KIF18A: variants seen among roughly 807,000 people sequenced by gnomAD.
KIF18A encodes kinesin family member 18A, also known as kinesin-like protein KIF18A.
KIF18A carries 67 observed loss-of-function variants against 103.3 expected under a neutral mutation model. The observed-to-expected ratio is 0.65, with a 90% CI of 0.53 to 0.79. The LOEUF (loss-of-function observed/expected upper bound fraction) is 0.79. Ranked by LOEUF, KIF18A falls within the 30% of genes least tolerant of loss-of-function variation. The probability of loss-of-function intolerance (pLI) is 0.00; values close to 1 mark genes in which losing one functional copy is unlikely to be tolerated. For missense variants in KIF18A, 1,032 were observed against 1,062.5 expected, an observed-to-expected ratio of 0.97 and a Z score of 0.40; for synonymous variants, 367 against 355.5, an observed-to-expected ratio of 1.03 and a Z score of -0.36.
intron 11 of KIF18A, 21 bp from the exon 12 acceptor site, chr11:28,062,537 T>C: frequency 6.3e-7 from 1 of 1,595,332 alleles, no homozygotes; most frequent in Non-Finnish European, 8.5e-7. Flanking sequence ...CAATACAAAA[T>C]GTACTTCAGA....
intron 8 of KIF18A, 34 bp downstream of exon 8, chr11:28,083,134 GC>G: frequency 6.4e-7 from 1 of 1,569,726 alleles, no homozygotes; most frequent in African/African-American, 1.4e-5. Context: ...ATGAAGAACT[GC>G]GCAAGACTAG....
At chr11:28,034,500 T>C (rs900348517) in intron 15 of KIF18A, among the ~76,000 whole-genome samples, 42 of 151,708 alleles carry the variant, frequency 2.8e-4, no homozygotes, top group African/African-American at 9.7e-4. Context: ...CTTTTCTTCA[T>C]GGTGGTCCCT....
At position 28,097,821 on chromosome 11, in the gene KIF18A, C is replaced by A. The variant is rs1275963978; in HGVS notation, c.127G>T (p.Val43Phe). ...ACTTCTTCTTGTTTGGGATCAAAAA[C>A]TAGGATATGTTTATCCACAACATGA... ...VVHVVDKHIL[V>F]FDPKQEEVSF... is the part of the protein sequence containing the mutation. Residue 43 changes from valine to phenylalanine, a missense_variant, in exon 2 of 17, where the codon GTT (valine) becomes TTT (phenylalanine). Coordinates refer to ENST00000263181, the MANE Select transcript of KIF18A (RefSeq NM_031217.4). 1 of 1,613,228 alleles carries A rather than the reference C, an allele frequency of 6.2e-7. No individual in the cohort carries two copies. Among genetic ancestry groups the A allele is most frequent in the African/African-American group, 1.3e-5 (1 of 74,872 alleles).
At position 28,090,677 on chromosome 11, in the gene KIF18A, G is replaced by A; in HGVS notation, c.639C>T (p.Asn213=). The part of the protein sequence containing the change: ...ILHLLDNGNK[N]RTQHPTDMNA... ...TCATATCAGTGGGATGTTGTGTCCTGTTTTTGTTTCCATTATCCAATAAAT... is the reference window on the plus strand; with the variant it reads ...TCATATCAGTGGGATGTTGTGTCCTATTTTTGTTTCCATTATCCAATAAAT... Residue 213 remains asparagine, a synonymous_variant, in exon 5 of 17, where the codon AAC becomes AAT. Transcript: ENST00000263181. The A allele has an allele frequency of 6.2e-7, 1 of 1,610,828 alleles. No individual in the cohort carries two copies. The highest frequency in any genetic ancestry group is 8.5e-7 in the Non-Finnish European group (1 of 1,177,834).
At chr11:28,098,894 C>T (rs1004150780) in intron 1 of KIF18A, among the ~76,000 whole-genome samples, 1 of 151,060 alleles carries the variant, frequency 6.6e-6, no homozygotes, top group Non-Finnish European at 1.5e-5. Flanking sequence ...AAAAACCAAA[C>T]CACAAAACAA....
intron 1 of KIF18A, among the ~76,000 whole-genome samples, chr11:28,103,727 G>C (rs957746602): frequency 5.9e-5 from 9 of 151,902 alleles, no homozygotes; most frequent in African/African-American, 1.5e-4. Flanking sequence ...TACTCACTTA[G>C]AGTAGAAGGA....
rs1850230407 is a variant in KIF18A at position 28,020,935 on chromosome 11, CATGGTAACTTACACTCAGGG to C, written c.*245_*264del. ...TGGCATAGTAAAACTAAGCTGCCAC[CATGGTAACTTACACTCAGGG>C]ATTTTAAAAGGCAACAAATATTTAA... On this transcript the variant is annotated 3_prime_UTR_variant, in exon 17 of 17. Coordinates refer to ENST00000263181, the MANE Select transcript of KIF18A (RefSeq NM_031217.4). The C allele has an allele frequency of 1.5e-5, 3 of 193,712 alleles. No homozygotes were observed. Among genetic ancestry groups the C allele is most frequent in the South Asian group, 3.1e-4 (2 of 6,350 alleles). The allele number at this position is 193,712 out of a possible 1,614,324, so 12.0% of individuals were successfully genotyped here.
Position 28,088,696 on chromosome 11 carries a change from G to A in KIF18A, c.725C>T (p.Thr242Ile), listed in dbSNP as rs374974288. Residue 242 changes from threonine (T) to isoleucine (I), a missense_variant, in exon 6 of 17, where the codon ACA becomes ATA. Transcript: ENST00000263181. ...ACGGACATTTTGATTGATACTTGCTGTTTTGTCTTGTTGTCGCAAGTAAAT... is the reference window on the plus strand; with the variant it reads ...ACGGACATTTTGATTGATACTTGCTATTTTGTCTTGTTGTCGCAAGTAAAT... ...FQIYLRQQDKTASINQNVRIA... is the reference protein window; with the variant it reads ...FQIYLRQQDKIASINQNVRIA... 1.2e-5 allele frequency: 20 copies of A among 1,613,602 alleles called. No homozygotes were observed. Among genetic ancestry groups the A allele is most frequent in the Non-Finnish European group, 1.6e-5 (19 of 1,179,782 alleles).
intron 13 of KIF18A, among the ~76,000 whole-genome samples, chr11:28,053,856 T>C (rs970094119): frequency 1.2e-4 from 18 of 151,966 alleles, no homozygotes; most frequent in African/African-American, 4.1e-4. Context: ...TGTGCTTATA[T>C]ACATGTTTGT....
At chr11:28,095,239 C>G (rs1009828779) in intron 2 of KIF18A, among the ~76,000 whole-genome samples, 1 of 152,226 alleles carries the variant, frequency 6.6e-6, no homozygotes, top group Non-Finnish European at 1.5e-5. Context: ...ATTTTGCCAG[C>G]CTACTGCTTC....
At chr11:28,022,160 T>A (rs75509368) in intron 16 of KIF18A, among the ~76,000 whole-genome samples, 1 of 152,262 alleles carries the variant, frequency 6.6e-6, no homozygotes, top group East Asian at 1.9e-4. Context: ...CACTTTTTTT[T>A]CCCCATAGTA....
intron 13 of KIF18A, among the ~76,000 whole-genome samples, chr11:28,045,892 C>G (rs1031408756): frequency 2.0e-5 from 3 of 151,650 alleles, no homozygotes; most frequent in Admixed American, 2.0e-4. Context: ...AGGACATGAA[C>G]AGACACTTCT....
At chr11:28,075,713 T>A (rs1291034690) in intron 10 of KIF18A, among the ~76,000 whole-genome samples, 2 of 152,198 alleles carry the variant, frequency 1.3e-5, no homozygotes, top group Non-Finnish European at 2.9e-5. Context: ...CCATCTGTTT[T>A]GTAATTTTGA....
intron 13 of KIF18A, among the ~76,000 whole-genome samples, chr11:28,042,699 A>T (rs187957673): frequency 6.6e-6 from 1 of 152,058 alleles, no homozygotes; most frequent in Non-Finnish European, 1.5e-5. Flanking sequence ...TACCCATAGT[A>T]CAAGGAGGCA....
At chr11:28,053,892 A>G (rs976935284) in intron 13 of KIF18A, among the ~76,000 whole-genome samples, 2 of 151,058 alleles carry the variant, frequency 1.3e-5, no homozygotes, top group Middle Eastern at 3.2e-3. Flanking sequence ...GGTAGAAATT[A>G]AAAATATTTT....
intron 10 of KIF18A, among the ~76,000 whole-genome samples, chr11:28,076,009 G>T (rs1268776838): frequency 6.6e-6 from 1 of 151,930 alleles, no homozygotes; most frequent in East Asian, 1.9e-4. Flanking sequence ...AACAGTGATG[G>T]TTGGCAAGAA....
At chr11:28,101,305 C>A (rs2133569133) in intron 1 of KIF18A, among the ~76,000 whole-genome samples, 1 of 152,242 alleles carries the variant, frequency 6.6e-6, no homozygotes, top group African/African-American at 2.4e-5. Flanking sequence ...AATATTTTAA[C>A]AGATATACTA....
At chr11:28,089,029 T>C (rs1851268508) in intron 5 of KIF18A, among the ~76,000 whole-genome samples, 1 of 152,150 alleles carries the variant, frequency 6.6e-6, no homozygotes, top group Non-Finnish European at 1.5e-5. Flanking sequence ...GAGGTGATGG[T>C]TAGAAACACA....
intron 9 of KIF18A, among the ~76,000 whole-genome samples, chr11:28,079,172 C>A (rs1204244221): frequency 6.6e-6 from 1 of 151,970 alleles, no homozygotes; most frequent in Non-Finnish European, 1.5e-5. Flanking sequence ...GCCATCAACT[C>A]CAGAAAAGTT....
Sources: gnomAD v4.1 joint callset for allele counts (sites outside exome capture counted in the v4.1 genomes callset) on GRCh38, gnomAD v4.1.1 for gene constraint, MANE v1.5 for transcripts, NCBI Gene and HGNC (gene_info 2026-07-23, HGNC 2026-07-21) for gene names.